FANCD2OS: variants seen among roughly 807,000 people sequenced by gnomAD.
FANCD2OS encodes the protein FANCD2 opposite strand.
In FANCD2OS, 11 loss-of-function variants were observed where a neutral mutation model predicts 13.2. That is an observed-to-expected ratio of 0.83 (90% CI 0.52 to 1.38). The LOEUF (loss-of-function observed/expected upper bound fraction) is 1.38, where lower values mean the gene tolerates loss of function less well. FANCD2OS is among the 40% of genes most tolerant of loss of function. The probability of loss-of-function intolerance (pLI) is 0.00; values close to 1 mark genes in which losing one functional copy is unlikely to be tolerated. For missense variants in FANCD2OS, 217 were observed against 213.9 expected (o/e 1.01, Z -0.09); for synonymous variants, 69 against 84.5 (o/e 0.82, Z 1.01).
chr3:10,088,606 T>C, intron 2 of FANCD2OS: 2 of 1,243,402 alleles, frequency 1.6e-6, no homozygotes, highest in South Asian at 2.4e-5. Flanking sequence ...CTGTTGTTTG[T>C]CAGAGACTGG....
chr3:10,087,792 G>A (rs1468258950), intron 2 of FANCD2OS, among the ~76,000 whole-genome samples: 1 of 151,984 alleles, frequency 6.6e-6, no homozygotes, highest in East Asian at 1.9e-4. Flanking sequence ...GGGATTACAG[G>A]TGCGCACCAC....
At chr3:10,107,202 C>CG (rs772570334) in intron 1 of FANCD2OS, among the ~76,000 whole-genome samples, 14 of 152,036 alleles carry the variant, frequency 9.2e-5, no homozygotes, top group Non-Finnish European at 2.1e-4. Context: ...GCAAGGTGGG[C>CG]GGAGGGTATG....
chr3:10,098,633 T>C, downstream of FANCD2OS: 1 of 1,507,308 alleles, frequency 6.6e-7, no homozygotes, highest in Non-Finnish European at 9.0e-7. Flanking sequence ...TATCTTCCTT[T>C]GTATTGCCTG....
At chr3:10,088,568 A>G in intron 2 of FANCD2OS, 1 of 1,457,766 alleles carries the variant, frequency 6.9e-7, no homozygotes, top group South Asian at 1.1e-5. Context: ...TCTTCCAATG[A>G]GCCAAATAGC....
At chr3:10,092,997 CA>C (rs980264813) in intron 2 of FANCD2OS, among the ~76,000 whole-genome samples, 13 of 152,100 alleles carry the variant, frequency 8.5e-5, no homozygotes, top group African/African-American at 3.1e-4. Context: ...CAGCCTCATC[CA>C]GTCTTTCTTA....
intron 2 of FANCD2OS, chr3:10,087,003 C>T (rs756604077): frequency 3.8e-5 from 38 of 999,084 alleles, no homozygotes; most frequent in Non-Finnish European, 5.7e-5. Context: ...TACTAAAGCA[C>T]CTGAAAATAA....
At chr3:10,105,067 G>T (rs1448545749) in intron 1 of FANCD2OS, among the ~76,000 whole-genome samples, 2 of 152,112 alleles carry the variant, frequency 1.3e-5, no homozygotes, top group Non-Finnish European at 2.9e-5. Flanking sequence ...TGGCCAGGCT[G>T]CTCTCCAACT....
intron 2 of FANCD2OS, chr3:10,088,795 A>T: frequency 3.7e-6 from 6 of 1,612,232 alleles, no homozygotes; most frequent in Non-Finnish European, 3.4e-6. Flanking sequence ...TACTTTGTTA[A>T]TTAGTGGGTC....
At chr3:10,100,678 C>T (rs954032435), downstream of FANCD2OS, among the ~76,000 whole-genome samples, 18 of 152,288 alleles carry the variant, frequency 1.2e-4, no homozygotes, top group African/African-American at 4.3e-4. Context: ...ACTGCCATAC[C>T]ACCACTTGTA....
chr3:10,095,450 A>G, intron 2 of FANCD2OS: 2 of 629,862 alleles, frequency 3.2e-6, no homozygotes, highest in East Asian at 5.5e-5. Context: ...AGTCCTCTAG[A>G]GGGGAATCTC....
downstream of FANCD2OS, among the ~76,000 whole-genome samples, chr3:10,098,526 G>T (rs559365923): frequency 1.3e-5 from 2 of 152,232 alleles, no homozygotes; most frequent in African/African-American, 2.4e-5. Flanking sequence ...TTGTATCAGG[G>T]CCACAGACAT....
chr3:10,098,997 C>T (rs1468507842), downstream of FANCD2OS: 4 of 1,613,820 alleles, frequency 2.5e-6, no homozygotes, highest in South Asian at 3.3e-5. Context: ...GAAACAACGA[C>T]ACAATCTTAG....
chr3:10,100,397 G>A (rs1027445069), downstream of FANCD2OS, among the ~76,000 whole-genome samples: 5 of 152,180 alleles, frequency 3.3e-5, no homozygotes, highest in East Asian at 3.9e-4. Flanking sequence ...TTTTTGAGAC[G>A]GAGTCTCCCT....
downstream of FANCD2OS, among the ~76,000 whole-genome samples, chr3:10,098,232 TAAGTA>T (rs1695095155): frequency 1.3e-5 from 2 of 152,172 alleles, no homozygotes; most frequent in Non-Finnish European, 2.9e-5. Flanking sequence ...TCAGAGAAGT[TAAGTA>T]ATTTACCTAA....
chr3:10,102,319 T>G (rs1695334802), downstream of FANCD2OS, among the ~76,000 whole-genome samples: 1 of 151,734 alleles, frequency 6.6e-6, no homozygotes, highest in Non-Finnish European at 1.5e-5. Context: ...AATCTTTGTA[T>G]TTTTTAGTAG....
rs139929432 is a variant in FANCD2OS at position 10,085,921 on chromosome 3, A to G, written c.*44-4390T>C. ...CAGCCAGCCTTTGGAGGAACTACTC[A>G]GGTGAGTCATAACTACATAGCCAAG... On this transcript the variant is annotated intron_variant, in intron 2 of 2. Coordinates refer to the FANCD2OS transcript ENST00000524279. The G allele has an allele frequency of 2.1e-5, 33 of 1,601,276 alleles. No individual in the cohort carries two copies. Among genetic ancestry groups the G allele is most frequent in the Non-Finnish European group, 2.7e-5 (31 of 1,168,518 alleles).
chr3:10,096,254 A>G (rs1053870201), intron 2 of FANCD2OS: 9 of 1,503,152 alleles, frequency 6.0e-6, no homozygotes, highest in Non-Finnish European at 8.3e-6. Flanking sequence ...TCAACATTCA[A>G]AGGTTTCTAT....
Position 10,092,684 on chromosome 3 carries a change from CTTTT to C in FANCD2OS, c.*44-11157_*44-11154del, listed in dbSNP as rs565351425. Among the ~76,000 whole-genome samples, 100 of 72,048 alleles carry C rather than the reference CTTTT, an allele frequency of 1.4e-3. 1 individual carries two copies. The South Asian group carries it at 0.023, about 16-fold the overall frequency. 47.3% of individuals were successfully genotyped at this position (72,048 alleles called of 152,430 possible). The stretch of plus-strand genomic sequence containing the variant: ...CCTTGTCTCTCCACCTCTTTCATGT[CTTTT>C]TTTTTTTTTTTTTTTTTTTTTTGAG... On this transcript the variant is annotated intron_variant, in intron 2 of 2. Coordinates refer to the FANCD2OS transcript ENST00000524279.
chr3:10,086,994 A>T, intron 2 of FANCD2OS: 1 of 924,906 alleles, frequency 1.1e-6, no homozygotes, highest in Non-Finnish European at 1.8e-6. Flanking sequence ...GAGGGTTGCT[A>T]CTAAAGCACC....
Sources: gnomAD v4.1 joint callset for allele counts (sites outside exome capture counted in the v4.1 genomes callset) on GRCh38, gnomAD v4.1.1 for gene constraint, MANE v1.5 for transcripts, NCBI Gene and HGNC (gene_info 2026-07-23, HGNC 2026-07-21) for gene names.